The following LINGO2 variants were observed in gnomAD, a reference collection of about 807,000 sequenced individuals.
The protein encoded by LINGO2 is leucine-rich repeat and immunoglobulin-like domain-containing nogo receptor-interacting protein 2.
A neutral mutation model predicts 30.6 loss-of-function variants in LINGO2; 14 were observed. The ratio of observed to expected loss-of-function variants is 0.46; its 90% confidence interval spans 0.30 to 0.72. The LOEUF (loss-of-function observed/expected upper bound fraction) is 0.72. Among genes scored for constraint, LINGO2 ranks in the 30% least tolerant of loss-of-function variants. The pLI is 0.07. For synonymous variants in LINGO2, 317 were observed against 288.5 expected (o/e 1.10, Z -1.00); for missense variants, 729 against 751.7 (o/e 0.97, Z 0.35).
At chr9:28,029,831 A>G (rs908224269) in intron 4 of LINGO2, among the ~76,000 whole-genome samples, 1 of 152,224 alleles carries the variant, frequency 6.6e-6, no homozygotes, top group South Asian at 2.1e-4. Context: ...TGTATGTATT[A>G]TTAACTTGCA....
chr9:28,691,668 G>A, the LINGO2 span, among the ~76,000 whole-genome samples: 1 of 151,882 alleles, frequency 6.6e-6, no homozygotes, highest in African/African-American at 2.4e-5. Context: ...TGAGAATCTT[G>A]GATAACTTGT....
intron 2 of LINGO2, among the ~76,000 whole-genome samples, chr9:28,376,512 C>A (rs2134602789): frequency 6.6e-6 from 1 of 152,312 alleles, no homozygotes; most frequent in African/African-American, 2.4e-5. Context: ...GCCTGAAGTG[C>A]TGGCTGCTGG....
At chr9:28,615,922 G>A (rs1226690387) in intron 1 of LINGO2, among the ~76,000 whole-genome samples, 1 of 152,094 alleles carries the variant, frequency 6.6e-6, no homozygotes, top group Non-Finnish European at 1.5e-5. Context: ...AATATATACT[G>A]TATGACTCCA....
At chr9:29,043,132 AG>A in the LINGO2 span, among the ~76,000 whole-genome samples, 1 of 152,018 alleles carries the variant, frequency 6.6e-6, no homozygotes, top group Admixed American at 6.6e-5. Flanking sequence ...GAACAGAGAC[AG>A]TATAAGTAGA....
rs1825226955 is a variant in LINGO2 at position 28,597,201 on chromosome 9, G to A, written c.-365+72999C>T. ...AATTTAATTTCTAAGCATGGGGTAA[G>A]GCATCTACTAGCTTTGGTCCACACA... On this transcript the variant is annotated intron_variant, in intron 1 of 5. Transcript: ENST00000379992. 1.3e-5 allele frequency among the ~76,000 whole-genome samples: 2 copies of A among 152,116 alleles called. 1 individual carries two copies. Among genetic ancestry groups the A allele is most frequent in the African/African-American group, 4.8e-5 (2 of 41,438 alleles).
chr9:28,037,790 A>G lies in LINGO2; in HGVS notation c.-86-25385T>C, dbSNP rs1270952956. On this transcript the variant is annotated intron_variant, in intron 4 of 5. Coordinates refer to ENST00000379992, the Ensembl canonical transcript of LINGO2. ...AATGTGGTTGCCTTTAGTTCTAGCA[A>G]ATTTTCATGCAGTATCTGTAAGACA... Among the ~76,000 whole-genome samples, 5 of 152,298 alleles carry G rather than the reference A, an allele frequency of 3.3e-5. No individual in the cohort carries two copies. The East Asian group carries it at 9.7e-4, about 29-fold the overall frequency.
In LINGO2 at chr9:27,982,436, C is replaced by T. The variant is rs571881322; in HGVS notation, c.-36+29919G>A. Among the ~76,000 whole-genome samples the T allele has an allele frequency of 1.6e-3, 248 of 151,940 alleles. 3 individuals carry two copies. The highest frequency in any genetic ancestry group is 5.5e-3 in the African/African-American group (229 of 41,508). ...ACATATAAACACATACACATGCATGCATGTGCATACAGATAAACACACAGC... is the reference window on the plus strand; with the variant it reads ...ACATATAAACACATACACATGCATGTATGTGCATACAGATAAACACACAGC... On this transcript the variant is annotated intron_variant, in intron 5 of 5. Coordinates refer to ENST00000379992, the Ensembl canonical transcript of LINGO2.
At chr9:28,721,359 CAT>C in the LINGO2 span, among the ~76,000 whole-genome samples, 16 of 152,100 alleles carry the variant, frequency 1.1e-4, no homozygotes, top group African/African-American at 3.6e-4. Flanking sequence ...CACATGCACA[CAT>C]ATGTTTATTG....
intron 4 of LINGO2, among the ~76,000 whole-genome samples, chr9:28,231,907 T>C (rs1821369723): frequency 2.6e-5 from 4 of 152,150 alleles, no homozygotes; most frequent in Admixed American, 2.0e-4. Flanking sequence ...TATATATATA[T>C]ATTTTTTCTG....
At chr9:28,248,219 C>T (rs1232340973) in intron 4 of LINGO2, among the ~76,000 whole-genome samples, 1 of 152,096 alleles carries the variant, frequency 6.6e-6, no homozygotes, top group Admixed American at 6.6e-5. Context: ...TGTTCATTAA[C>T]AGATGAAAGG....
chr9:29,064,977 G>A, the LINGO2 span, among the ~76,000 whole-genome samples: 2 of 152,048 alleles, frequency 1.3e-5, no homozygotes, highest in South Asian at 2.1e-4. Flanking sequence ...GCATAAGGCT[G>A]TACTAAAAGA....
rs191399205 is a variant in LINGO2 at position 28,438,693 on chromosome 9, A to G, written c.-279+37247T>C. ...ATGCATCAGCTATTGGCAAGTAGTA[A>G]TGAGGAATTAAGCTTACAAATCTTT... On this transcript the variant is annotated intron_variant, in intron 2 of 5. Coordinates refer to ENST00000379992, the Ensembl canonical transcript of LINGO2. Among the ~76,000 whole-genome samples the G allele has an allele frequency of 7.9e-5, 12 of 152,098 alleles. No individual in the cohort carries two copies. The East Asian group carries it at 2.3e-3, about 29-fold the overall frequency.
intron 3 of LINGO2, among the ~76,000 whole-genome samples, chr9:28,357,319 A>AC (rs1554710540): frequency 1.3e-5 from 1 of 74,794 alleles, no homozygotes; most frequent in African/African-American, 4.3e-5. Flanking sequence ...AATAAAGCCC[A>AC]CCCCCCCCAA....
At chr9:28,841,241 G>A in the LINGO2 span, among the ~76,000 whole-genome samples, 2 of 151,760 alleles carry the variant, frequency 1.3e-5, no homozygotes, top group South Asian at 2.1e-4. Context: ...TGGGATGGGA[G>A]AGGGAGGGAT....
chr9:28,401,956 A>G (rs1488072416), intron 2 of LINGO2, among the ~76,000 whole-genome samples: 6 of 152,122 alleles, frequency 3.9e-5, no homozygotes, highest in Non-Finnish European at 8.8e-5. Context: ...GTCTGTTCAT[A>G]TCATTTGCCT....
At chr9:28,021,477 G>A (rs1214157508) in intron 4 of LINGO2, among the ~76,000 whole-genome samples, 1 of 151,936 alleles carries the variant, frequency 6.6e-6, no homozygotes, top group African/African-American at 2.4e-5. Flanking sequence ...GTTGCTGGAT[G>A]CCATATTCTA....
At chr9:28,854,334 T>C in the LINGO2 span, among the ~76,000 whole-genome samples, 2 of 152,068 alleles carry the variant, frequency 1.3e-5, no homozygotes, top group Non-Finnish European at 2.9e-5. Flanking sequence ...TGGGTTATGA[T>C]ACCCTCTTCT....
At chr9:28,330,039 G>C (rs1166956544) in intron 3 of LINGO2, among the ~76,000 whole-genome samples, 1 of 152,110 alleles carries the variant, frequency 6.6e-6, no homozygotes, top group South Asian at 2.1e-4. Flanking sequence ...GTTTGGAGAT[G>C]AGGTCTTTAA....
chr9:28,009,566 T>C (rs1427689525), intron 5 of LINGO2, among the ~76,000 whole-genome samples: 4 of 152,126 alleles, frequency 2.6e-5, no homozygotes, highest in Non-Finnish European at 4.4e-5. Flanking sequence ...TGAATAGATA[T>C]GTCTCCCAAG....
Sources: gnomAD v4.1 joint callset for allele counts (sites outside exome capture counted in the v4.1 genomes callset) on GRCh38, gnomAD v4.1.1 for gene constraint, MANE v1.5 for transcripts, NCBI Gene and HGNC (gene_info 2026-07-23, HGNC 2026-07-21) for gene names.